PRKCE: variants seen among roughly 807,000 people sequenced by gnomAD.
PRKCE encodes protein kinase C epsilon type.
In PRKCE, 16 loss-of-function variants were observed where a neutral mutation model predicts 85.4. The observed-to-expected ratio is 0.19, with a 90% confidence interval of 0.13 to 0.28. PRKCE has a LOEUF of 0.28. PRKCE is among the 10% of genes least tolerant of loss of function. The pLI is 1.00. For missense variants in PRKCE, 573 were observed against 975.2 expected (o/e 0.59, Z 5.49); for synonymous variants, 388 against 371.5 (o/e 1.04, Z -0.51).
intron 11 of PRKCE, among the ~76,000 whole-genome samples, chr2:46,110,118 T>G (rs1558465241): frequency 6.6e-6 from 1 of 152,186 alleles, no homozygotes; most frequent in Non-Finnish European, 1.5e-5. Context: ...TCTTTGCATC[T>G]ATGATCATGA....
chr2:46,031,309 A>T (rs1381147043), intron 10 of PRKCE, among the ~76,000 whole-genome samples: 1 of 152,114 alleles, frequency 6.6e-6, no homozygotes, highest in Non-Finnish European at 1.5e-5. Flanking sequence ...TTCTGGAAAC[A>T]TTGGCATGTG....
intron 1 of PRKCE, among the ~76,000 whole-genome samples, chr2:45,823,102 C>T (rs949110923): frequency 1.3e-4 from 20 of 152,200 alleles, no homozygotes; most frequent in African/African-American, 2.4e-5. Context: ...GCCTGGGCTC[C>T]TACTGAAGTT....
intron 2 of PRKCE, among the ~76,000 whole-genome samples, chr2:45,931,775 C>T (rs1461458503): frequency 3.3e-5 from 5 of 152,002 alleles, no homozygotes; most frequent in Admixed American, 6.6e-5. Flanking sequence ...GGCGCGATTT[C>T]GGCTCACTGC....
At chr2:46,055,602 A>ATTGGCC (rs373677342) in intron 10 of PRKCE, among the ~76,000 whole-genome samples, 17 of 152,288 alleles carry the variant, frequency 1.1e-4, no homozygotes, top group African/African-American at 4.1e-4. Context: ...CACCATTGGC[A>ATTGGCC]TTGGCCTTGC....
At chr2:46,090,363 C>T (rs539691582) in intron 11 of PRKCE, among the ~76,000 whole-genome samples, 2 of 152,254 alleles carry the variant, frequency 1.3e-5, no homozygotes, top group South Asian at 2.1e-4. Context: ...GGGATCATGC[C>T]TCCCTGAGCA....
At chr2:45,804,138 T>A (rs921526140) in intron 1 of PRKCE, among the ~76,000 whole-genome samples, 2 of 152,194 alleles carry the variant, frequency 1.3e-5, no homozygotes, top group Non-Finnish European at 2.9e-5. Context: ...CAGGAGTGCT[T>A]AATGCATGAC....
chr2:46,041,516 C>G lies in PRKCE; in HGVS notation c.1437+30999C>G, dbSNP rs1708212792. On this transcript the variant is annotated intron_variant, in intron 10 of 14. Coordinates refer to ENST00000306156, the MANE Select transcript of PRKCE (RefSeq NM_005400.3). The surrounding 1 kb of genome is among the most constrained non-coding windows in gnomAD (Gnocchi z 5.5). Reference sequence around the variant, plus strand: ...AGGAAATTTATAGTGTGGAAAGTTGCAGCATTTGCAGGAACTATGGGAATC... The same window carrying G: ...AGGAAATTTATAGTGTGGAAAGTTGGAGCATTTGCAGGAACTATGGGAATC... 6.6e-6 allele frequency among the ~76,000 whole-genome samples: 1 copy of G among 152,210 alleles called. No individual in the cohort carries two copies. The highest frequency in any genetic ancestry group is 6.5e-5 in the Admixed American group (1 of 15,282).
At chr2:45,739,920 A>G (rs1682410534) in intron 1 of PRKCE, among the ~76,000 whole-genome samples, 1 of 152,224 alleles carries the variant, frequency 6.6e-6, no homozygotes, top group Non-Finnish European at 1.5e-5. Context: ...TTGCATCTTA[A>G]TGAGCATCAA....
At chr2:46,055,865 G>A (rs1361746158) in intron 10 of PRKCE, among the ~76,000 whole-genome samples, 1 of 152,158 alleles carries the variant, frequency 6.6e-6, no homozygotes, top group Non-Finnish European at 1.5e-5. Flanking sequence ...GTTTTGCCAT[G>A]TTGCCCAAGC....
At chr2:45,802,567 T>C (rs993974182) in intron 1 of PRKCE, among the ~76,000 whole-genome samples, 9 of 152,180 alleles carry the variant, frequency 5.9e-5, no homozygotes, top group Non-Finnish European at 1.2e-4. Context: ...TCTGGTGTAA[T>C]CTTCACAACA....
rs35972016 is a variant in PRKCE at position 45,834,592 on chromosome 2, A to ATGTGTGTG, written c.349-8392_349-8385dup. Among the ~76,000 whole-genome samples, 488 of 149,340 alleles carry ATGTGTGTG rather than the reference A, an allele frequency of 3.3e-3. 3 individuals carry two copies. Among genetic ancestry groups the ATGTGTGTG allele is most frequent in the East Asian group, 0.023 (116 of 5,050 alleles). On this transcript the variant is annotated intron_variant, in intron 1 of 14. Transcript: ENST00000306156. ...GCAGATCACGTGTGCGCATGTGTGT[A>ATGTGTGTG]TGTGTGTGTGTGTGTGTGTGTGTAC... is the stretch of plus-strand genomic sequence containing the variant.
Position 45,785,718 on chromosome 2 carries a change from T to G in PRKCE, c.349-57282T>G, listed in dbSNP as rs541544006. On this transcript the variant is annotated intron_variant, in intron 1 of 14. Coordinates refer to ENST00000306156, the MANE Select transcript of PRKCE (RefSeq NM_005400.3). ...CTGGTTTTGTTTTCCAAACTTATGG[T>G]GACCACTACCCTCAGAGCCAGTGGC... Among the ~76,000 whole-genome samples the G allele has an allele frequency of 7.2e-5, 11 of 152,222 alleles. No individual in the cohort carries two copies. In the South Asian group the frequency reaches 1.7e-3, roughly 23 times the overall value.
At chr2:45,937,595 G>T (rs544588460) in intron 2 of PRKCE, among the ~76,000 whole-genome samples, 14 of 152,186 alleles carry the variant, frequency 9.2e-5, no homozygotes, top group African/African-American at 3.4e-4. Flanking sequence ...GGCACCTGTA[G>T]TCCCAGCTAC....
intron 1 of PRKCE, among the ~76,000 whole-genome samples, chr2:45,723,421 T>C (rs1680788226): frequency 6.6e-6 from 1 of 152,162 alleles, no homozygotes; most frequent in African/African-American, 2.4e-5. Flanking sequence ...AACACAGATG[T>C]GCTTCTAGGC....
Position 45,907,032 on chromosome 2 carries a change from G to A in PRKCE, c.412+63969G>A, listed in dbSNP as rs1352507226. Among the ~76,000 whole-genome samples, 4 of 152,134 alleles carry A rather than the reference G, an allele frequency of 2.6e-5. No individual in the cohort carries two copies. The highest frequency in any genetic ancestry group is 6.6e-5 in the Admixed American group (1 of 15,262). On this transcript the variant is annotated intron_variant, in intron 2 of 14. Coordinates refer to ENST00000306156, the MANE Select transcript of PRKCE (RefSeq NM_005400.3). This position sits in a 1 kb window ranked among gnomAD's most constrained non-coding sequence, Gnocchi z 4.5. The stretch of plus-strand genomic sequence containing the variant: ...CCCCTGCAGGGACCAGGCTGGATGG[G>A]GCCCCAGTTGCTCCAAAATTAGGCG...
chr2:45,789,710 G>C (rs1482340248), intron 1 of PRKCE, among the ~76,000 whole-genome samples: 1 of 152,166 alleles, frequency 6.6e-6, no homozygotes, highest in Non-Finnish European at 1.5e-5. Flanking sequence ...GGAAGAGCTA[G>C]GAATCATTTG....
intron 10 of PRKCE, among the ~76,000 whole-genome samples, chr2:46,012,099 A>G (rs1028966806): frequency 1.3e-5 from 2 of 152,206 alleles, no homozygotes; most frequent in Admixed American, 6.5e-5. Context: ...ATAGAGACTC[A>G]GTGATGGAGT....
intron 2 of PRKCE, among the ~76,000 whole-genome samples, chr2:45,866,656 A>G (rs1693642450): frequency 6.6e-6 from 1 of 152,124 alleles, no homozygotes. Flanking sequence ...GACGGTGTTA[A>G]TCTGCGTTGT....
intron 1 of PRKCE, among the ~76,000 whole-genome samples, chr2:45,694,045 A>G (rs533598433): frequency 6.6e-6 from 1 of 151,434 alleles, no homozygotes; most frequent in East Asian, 1.9e-4. Context: ...GGAATTTTTG[A>G]CCCGTGGACA....
Sources: allele counts gnomAD v4.1 joint callset (sites outside exome capture counted in the v4.1 genomes callset), GRCh38; gene constraint gnomAD v4.1.1; non-coding constraint Gnocchi (gnomAD v3.1); transcripts MANE v1.5; gene names NCBI Gene and HGNC (gene_info 2026-07-23, HGNC 2026-07-21).